The following GIGYF2 variants were observed in gnomAD, a reference collection of about 807,000 sequenced individuals.
GIGYF2 encodes the protein GRB10-interacting GYF protein 2.
A neutral mutation model predicts 208.1 loss-of-function variants in GIGYF2; 25 were observed. The ratio of observed to expected loss-of-function variants is 0.12; its 90% CI spans 0.09 to 0.17. The LOEUF is 0.17. GIGYF2 is among the 10% of genes least tolerant of loss of function. The probability of loss-of-function intolerance (pLI) is 1.00; values close to 1 mark genes in which losing one functional copy is unlikely to be tolerated. For missense variants in GIGYF2, 1,302 were observed against 1,579.4 expected (o/e 0.82, Z 2.98); for synonymous variants, 534 against 543.8 (o/e 0.98, Z 0.25).
chr2:232,715,820 C>CT (rs75526495), intron 2 of GIGYF2, among the ~76,000 whole-genome samples: 47,011 of 143,850 alleles, frequency 0.33, 7,743 homozygotes, highest in East Asian at 0.5. Context: ...GAAGAATTTC[C>CT]TTTTTTTTTT....
intron 14 of GIGYF2, among the ~76,000 whole-genome samples, chr2:232,804,070 TA>T (rs1353444168): frequency 6.6e-6 from 1 of 151,450 alleles, no homozygotes; most frequent in African/African-American, 2.4e-5. Flanking sequence ...TGAAATTGGG[TA>T]GACTGATTCT....
intron 2 of GIGYF2, among the ~76,000 whole-genome samples, chr2:232,727,408 C>T (rs992098065): frequency 1.3e-5 from 2 of 152,142 alleles, no homozygotes; most frequent in African/African-American, 4.8e-5. Flanking sequence ...ATAGCTAATC[C>T]CCTTTCCCCA....
chr2:232,851,412 CA>C (rs1690324453), intron 28 of GIGYF2, among the ~76,000 whole-genome samples: 1 of 138,730 alleles, frequency 7.2e-6, no homozygotes, highest in East Asian at 2.1e-4. Context: ...ATGAAACTAA[CA>C]TTTTTTTTTT....
intron 8 of GIGYF2, among the ~76,000 whole-genome samples, chr2:232,779,353 C>A (rs1029305201): frequency 6.6e-6 from 1 of 152,062 alleles, no homozygotes; most frequent in African/African-American, 2.4e-5. Context: ...GTCCTCTGTC[C>A]CTAAAGGCAT....
intron 5 of GIGYF2, among the ~76,000 whole-genome samples, chr2:232,752,241 C>T (rs1698360488): frequency 6.6e-6 from 1 of 152,144 alleles, no homozygotes; most frequent in South Asian, 2.1e-4. Context: ...TGATCAGGTA[C>T]CCCTTCAGAG....
intron 16 of GIGYF2, among the ~76,000 whole-genome samples, chr2:232,810,140 AC>A (rs1256973385): frequency 1.3e-5 from 2 of 152,204 alleles, no homozygotes; most frequent in Non-Finnish European, 2.9e-5. Context: ...GGCGTGTGCC[AC>A]CACGCCCAGC....
intron 13 of GIGYF2, among the ~76,000 whole-genome samples, chr2:232,795,267 G>T (rs577920555): frequency 6.6e-6 from 1 of 152,094 alleles, no homozygotes; most frequent in Non-Finnish European, 1.5e-5. Context: ...TGTATCTTTT[G>T]TATTTTTTGC....
chr2:232,832,077 C>T (rs945919579), intron 21 of GIGYF2, among the ~76,000 whole-genome samples: 1 of 152,176 alleles, frequency 6.6e-6, no homozygotes, highest in African/African-American at 2.4e-5. Flanking sequence ...TAGATAAGGA[C>T]AGGGTATAGT....
At position 232,856,739 on chromosome 2, in the gene GIGYF2, T is replaced by A. The variant is rs537152372; in HGVS notation, c.3833-54T>A. The A allele has an allele frequency of 6.6e-6, 7 of 1,062,896 alleles. No homozygotes were observed. In the South Asian group the frequency reaches 8.7e-5, roughly 13 times the overall value. 65.8% of individuals were successfully genotyped at this position (1,062,896 alleles called of 1,614,324 possible). On this transcript the variant is annotated intron_variant, in intron 28 of 28. Coordinates refer to ENST00000373563, the MANE Select transcript of GIGYF2 (RefSeq NM_001103146.3). ...ACATTCCAGCTCACCGCCTAGAATT[T>A]GAGCCGCTTGGTTGCCTGGGTGTGG...
rs778855577 is a variant in GIGYF2, at chr2:232,819,924, T to C, written c.2468T>C (p.Leu823Pro). The C allele has an allele frequency of 6.3e-7, 1 of 1,578,784 alleles. No homozygotes were observed. The highest frequency in any genetic ancestry group is 8.7e-7 in the Non-Finnish European group (1 of 1,148,652). ...RQQQEEALRR[L>P]EERRREEEER... is the part of the protein sequence containing the mutation. ...CAGCAAGAAGAAGCTCTTAGAAGAC[T>C]GGAAGAGAGGAGAAGAGAAGAGGAA... Residue 823 changes from leucine (L) to proline (P), a missense_variant, in exon 21 of 29, where the codon CTG becomes CCG. Transcript: ENST00000373563.
intron 8 of GIGYF2, among the ~76,000 whole-genome samples, chr2:232,778,146 G>A (rs1487274677): frequency 1.3e-5 from 2 of 152,014 alleles, no homozygotes; most frequent in East Asian, 3.9e-4. Flanking sequence ...GTGTTGTCTA[G>A]GCTGGTCTTG....
chr2:232,754,562 G>A (rs969461568), intron 5 of GIGYF2, among the ~76,000 whole-genome samples: 1 of 152,052 alleles, frequency 6.6e-6, no homozygotes, highest in Non-Finnish European at 1.5e-5. Flanking sequence ...CAACTGCATG[G>A]GATCCTAGCA....
chr2:232,847,453 A>T lies in GIGYF2; in HGVS notation c.3566A>T (p.Lys1189Met), dbSNP rs201962512. The T allele has an allele frequency of 6.2e-6, 10 of 1,613,980 alleles. No individual in the cohort carries two copies. The highest frequency in any genetic ancestry group is 8.5e-6 in the Non-Finnish European group (10 of 1,179,986). The change falls in exon 27 of 29, where the codon AAG becomes ATG. Residue 1189 changes from lysine to methionine, a missense_variant. Physicochemically the swap from Lys to Met is moderately conservative, Grantham distance 95 (BLOSUM62 -1). Transcript: ENST00000373563. ...ACTTCTGAGGCCAAGGAGTTTGCCA[A>T]GCAGTTCCTTGAGCGCCGTGCCAAA... ...GDTSEAKEFA[K>M]QFLERRAKQK... is the part of the protein sequence containing the mutation.
intron 3 of GIGYF2, among the ~76,000 whole-genome samples, chr2:232,743,638 G>A (rs973412863): frequency 3.9e-5 from 6 of 152,118 alleles, no homozygotes; most frequent in East Asian, 1.9e-4. Context: ...TGGATTTTTA[G>A]TGAAGAATAT....
Position 232,833,011 on chromosome 2 carries a change from T to TAATG in GIGYF2, c.2685_2688dup (p.Arg897AsnfsTer53). ...CTGGAGGTCCAGCGGCAGAAGGAGT[T>TAATG]AATGCGCCAGAGGCAGCAGCAGCAA... On this transcript the variant is annotated frameshift_variant, in exon 22 of 29. Transcript: ENST00000373563. LOFTEE classifies it high-confidence loss of function. 1 of 1,570,660 alleles carries TAATG rather than the reference T, an allele frequency of 6.4e-7. No homozygotes were observed. The highest frequency in any genetic ancestry group is 8.6e-7 in the Non-Finnish European group (1 of 1,157,654).
At position 232,739,363 on chromosome 2, in the gene GIGYF2, C is replaced by CA. The variant is rs1491305502; in HGVS notation, c.41+4125_41+4126insA. Among the ~76,000 whole-genome samples, 145 of 15,596 alleles carry CA rather than the reference C, an allele frequency of 9.3e-3. 1 individual carries two copies. Among genetic ancestry groups the CA allele is most frequent in the Middle Eastern group, 0.024 (1 of 42 alleles). The allele number at this position is 15,596 out of a possible 152,430, so 10.2% of individuals were successfully genotyped here. A position where few individuals can be genotyped will look rare whatever the true frequency, so the allele number is the denominator to read the frequency against. On this transcript the variant is annotated intron_variant, in intron 3 of 28. Transcript: ENST00000373563. ...ACAAGCCTGGGCAACAAAAGCAAAC[C>CA]CCCCCCCCCCCGCAAAAAAAAAGAA...
intron 22 of GIGYF2, 66 bp downstream of exon 22, chr2:232,833,159 T>G: frequency 1.1e-6 from 1 of 945,434 alleles, no homozygotes; most frequent in Non-Finnish European, 1.7e-6. Flanking sequence ...AGGTGCTGGC[T>G]GTACCAGTAG....
At chr2:232,749,813 T>C (rs767601468) in intron 5 of GIGYF2, among the ~76,000 whole-genome samples, 2 of 152,142 alleles carry the variant, frequency 1.3e-5, no homozygotes, top group Non-Finnish European at 2.9e-5. Context: ...TCTTTTCAAA[T>C]ACTCTATGAA....
chr2:232,819,833 G>T lies in GIGYF2; in HGVS notation c.2377G>T (p.Ala793Ser). ...EELARRKQEE[A>S]LRRQREQEIA... ...CTCCATCTTTTTTCCTTAGGAAGAG[G>T]CTCTGCGTCGCCAGCGGGAGCAAGA... The change falls in exon 21 of 29, where the codon GCT becomes TCT. Residue 793 changes from alanine (A) to serine (S), a missense_variant. By Grantham distance (99) the Ala-to-Ser change is moderately conservative (BLOSUM62 1). Transcript: ENST00000373563. 3 of 1,484,388 alleles carry T rather than the reference G, an allele frequency of 2.0e-6. No homozygotes were observed. The highest frequency in any genetic ancestry group is 1.6e-5 in the African/African-American group (1 of 62,850). The allele number at this position is 1,484,388 out of a possible 1,614,324, so 92.0% of individuals were successfully genotyped here. A position where few individuals can be genotyped will look rare whatever the true frequency, so the allele number is the denominator to read the frequency against.
Sources: gnomAD v4.1 joint callset for allele counts (sites outside exome capture counted in the v4.1 genomes callset) on GRCh38, gnomAD v4.1.1 for gene constraint, MANE v1.5 for transcripts, NCBI Gene and HGNC (gene_info 2026-07-23, HGNC 2026-07-21) for gene names.